Variants in CCT4 observed in about 807,000 individuals in gnomAD.
CCT4 encodes the protein T-complex protein 1 subunit delta.
CCT4 carries 17 observed loss-of-function variants against 62.5 expected under a neutral mutation model. The ratio of observed to expected loss-of-function variants is 0.27; its 90% CI spans 0.19 to 0.41. CCT4 has a LOEUF of 0.41. Among genes scored for constraint, CCT4 ranks in the 10% least tolerant of loss-of-function variants. The pLI, the probability that CCT4 is intolerant of heterozygous loss-of-function variation, is 1.00. For missense variants in CCT4, 592 were observed against 659.2 expected (o/e 0.90, Z 1.12); for synonymous variants, 250 against 229.9 (o/e 1.09, Z -0.79).
chr2:61,874,772 T>C (rs1455107073), intron 8 of CCT4, among the ~76,000 whole-genome samples: 1 of 152,174 alleles, frequency 6.6e-6, no homozygotes, highest in African/African-American at 2.4e-5. Context: ...GGTAATTAAT[T>C]CTGCAACATG....
intron 8 of CCT4, among the ~76,000 whole-genome samples, chr2:61,873,774 C>T (rs1668936542): frequency 6.6e-6 from 1 of 152,148 alleles, no homozygotes; most frequent in African/African-American, 2.4e-5. Flanking sequence ...CCATGTTGGC[C>T]ACGCTGGTCT....
At position 61,888,442 on chromosome 2, in the gene CCT4, G is replaced by T. The variant is rs377231309; in HGVS notation, c.66C>A (p.Gly22=). The T allele has an allele frequency of 9.9e-6, 16 of 1,611,692 alleles. No homozygotes were observed. The African/African-American group carries it at 2.1e-4, about 22-fold the overall frequency. ...CTGGCTTGTCGCGGTCCTGATAGGC[G>T]CCTTTCCCGCGGCCGCCGGCAGCCC... ...TAGAAGGRGK[G]AYQDRDKPAQ... is the part of the protein sequence containing the mutation. The change falls in exon 1 of 14, where the codon GGC becomes GGA. Residue 22 remains glycine, a synonymous_variant. Transcript: ENST00000394440.
chr2:61,884,473 G>A (rs1669205270), intron 2 of CCT4, among the ~76,000 whole-genome samples: 1 of 151,820 alleles, frequency 6.6e-6, no homozygotes, highest in Non-Finnish European at 1.5e-5. Context: ...ACCATGCCTG[G>A]CTAATTTTTG....
chr2:61,875,938 A>T (rs1338026355), intron 8 of CCT4, among the ~76,000 whole-genome samples, 157 bp downstream of exon 8: 2 of 152,186 alleles, frequency 1.3e-5, no homozygotes, highest in East Asian at 3.8e-4. Flanking sequence ...GTGCTTTTAA[A>T]ATAAAAATTC....
intron 8 of CCT4, among the ~76,000 whole-genome samples, chr2:61,874,387 AG>A (rs1283558086): frequency 6.6e-6 from 1 of 151,974 alleles, no homozygotes; most frequent in Non-Finnish European, 1.5e-5. Context: ...TGGGAGGCCA[AG>A]GGGGGGCAGA....
chr2:61,876,831 C>G, intron 7 of CCT4, 89 bp downstream of exon 7: 1 of 1,098,198 alleles, frequency 9.1e-7, no homozygotes, highest in Non-Finnish European at 1.3e-6. Context: ...CTTTAAATCA[C>G]TAGTAGTATT....
At chr2:61,875,442 TG>T (rs1458541403) in intron 8 of CCT4, among the ~76,000 whole-genome samples, 2 of 151,638 alleles carry the variant, frequency 1.3e-5, no homozygotes, top group East Asian at 3.9e-4. Context: ...TAGCCAGGTG[TG>T]GTGGCACGTG....
At chr2:61,870,679 A>G (rs1359769018) in intron 12 of CCT4, among the ~76,000 whole-genome samples, 1 of 152,132 alleles carries the variant, frequency 6.6e-6, no homozygotes. Flanking sequence ...AGCACTTTGG[A>G]AGGCTGAGGC....
At chr2:61,876,386 T>G (rs1448189888) in intron 7 of CCT4, 152 bp from the exon 8 acceptor site, 2 of 521,122 alleles carry the variant, frequency 3.8e-6, no homozygotes, top group Admixed American at 7.4e-5. Context: ...GAGTCTGGAT[T>G]AAGATACACA....
At chr2:61,870,611 T>C (rs1412132531) in intron 12 of CCT4, among the ~76,000 whole-genome samples, 1 of 152,114 alleles carries the variant, frequency 6.6e-6, no homozygotes, top group Non-Finnish European at 1.5e-5. Flanking sequence ...TTCATGTCCT[T>C]AGCCTCTTGC....
At chr2:61,868,752 T>TA (rs1421462895) in intron 13 of CCT4, 46 bp from the exon 14 acceptor site, 1 of 1,397,226 alleles carries the variant, frequency 7.2e-7, no homozygotes, top group Non-Finnish European at 1.0e-6. Context: ...ATGACAGAAT[T>TA]TTAAAGCTGG....
intron 10 of CCT4, 145 bp from the exon 11 acceptor site, chr2:61,872,733 C>G (rs1422458645): frequency 1.3e-6 from 1 of 744,572 alleles, no homozygotes; most frequent in Non-Finnish European, 2.2e-6. Flanking sequence ...CGAGACCATC[C>G]TGACTAACAC....
At chr2:61,876,495 G>C (rs1403228573) in intron 7 of CCT4, among the ~76,000 whole-genome samples, 2 of 152,094 alleles carry the variant, frequency 1.3e-5, no homozygotes, top group Non-Finnish European at 2.9e-5. Flanking sequence ...GGTTACCCTA[G>C]TTGTTTTCAA....
At chr2:61,869,921 G>C (rs1210771744) in intron 12 of CCT4, among the ~76,000 whole-genome samples, 3 of 149,868 alleles carry the variant, frequency 2.0e-5, no homozygotes, top group East Asian at 2.0e-4. Flanking sequence ...CGTGAGCCAT[G>C]GCGCCTGGCC....
intron 3 of CCT4, among the ~76,000 whole-genome samples, chr2:61,881,544 T>C (rs932151078): frequency 1.3e-5 from 2 of 152,106 alleles, no homozygotes; most frequent in African/African-American, 2.4e-5. Flanking sequence ...ATGTGGTAAT[T>C]ATACAAAATT....
In CCT4 at chr2:61,872,290, G is replaced by A. The variant is rs1668900766; in HGVS notation, c.1283C>T (p.Pro428Leu). 6.2e-7 allele frequency: 1 copy of A among 1,605,502 alleles called. No homozygotes were observed. Among genetic ancestry groups the A allele is most frequent in the Non-Finnish European group, 8.5e-7 (1 of 1,174,192 alleles). Residue 428 changes from proline to leucine, a missense_variant, in exon 12 of 14, where the codon CCA (proline) becomes CTA (leucine). Physicochemically the swap from Pro to Leu is moderately conservative, Grantham distance 98. This residue lies in a region of CCT4 where 522 missense variants were observed against 571.2 expected (regional missense o/e 0.91). Coordinates refer to ENST00000394440, the MANE Select transcript of CCT4 (RefSeq NM_006430.4). ...KRALIAGGGAPEIELALRLTE... is the reference protein window; with the variant it reads ...KRALIAGGGALEIELALRLTE... ...TAATCGTAGGGCCAACTCTATTTCT[G>A]GAGCACCACCTCCTGCAATAAGAGC...
At chr2:61,886,366 C>A (rs1558509334) in intron 1 of CCT4, among the ~76,000 whole-genome samples, 2 of 152,158 alleles carry the variant, frequency 1.3e-5, no homozygotes, top group Admixed American at 6.6e-5. Flanking sequence ...GAGCAGAGAT[C>A]ACACCACTGC....
At position 61,872,066 on chromosome 2, in the gene CCT4, G is replaced by C; in HGVS notation, c.1491+16C>G. On this transcript the variant is annotated intron_variant, in intron 12 of 13. Coordinates refer to ENST00000394440, the MANE Select transcript of CCT4 (RefSeq NM_006430.4). ...AAATTAATCAATATTTTCTACATTA[G>C]AGATTAAATGATTACCTTTCGGACA... The C allele has an allele frequency of 6.7e-7, 1 of 1,496,914 alleles. No individual in the cohort carries two copies. The highest frequency in any genetic ancestry group is 9.3e-7 in the Non-Finnish European group (1 of 1,076,210). The allele number at this position is 1,496,914 out of a possible 1,614,324, so 92.7% of individuals were successfully genotyped here. A position where few individuals can be genotyped will look rare whatever the true frequency, so the allele number is the denominator to read the frequency against.
chr2:61,875,343 C>A (rs546185652), intron 8 of CCT4, among the ~76,000 whole-genome samples: 1 of 152,058 alleles, frequency 6.6e-6, no homozygotes, highest in Non-Finnish European at 1.5e-5. Context: ...CTTTGGGAGG[C>A]TGAGGCGGGT....
Sources: allele counts gnomAD v4.1 joint callset (sites outside exome capture counted in the v4.1 genomes callset), GRCh38; gene constraint gnomAD v4.1.1; regional missense constraint gnomAD v4.1.1; transcripts MANE v1.5; gene names NCBI Gene and HGNC (gene_info 2026-07-23, HGNC 2026-07-21).